Variants in CCNY observed in about 807,000 individuals in gnomAD.
CCNY encodes cyclin Y.
A neutral mutation model predicts 42.8 loss-of-function variants in CCNY; 19 were observed. That is an observed-to-expected ratio of 0.44 (90% confidence interval 0.31 to 0.65). The LOEUF (loss-of-function observed/expected upper bound fraction) is 0.65, where lower values mean the gene tolerates loss of function less well. Among genes scored for constraint, CCNY ranks in the 30% least tolerant of loss-of-function variants. CCNY has a pLI of 0.07. For synonymous variants in CCNY, 165 were observed against 162.7 expected (o/e 1.01, Z -0.11); for missense variants, 370 against 437.3 (o/e 0.85, Z 1.37).
intron 2 of CCNY, among the ~76,000 whole-genome samples, chr10:35,249,122 T>A (rs1420140439): frequency 6.6e-6 from 1 of 152,020 alleles, no homozygotes; most frequent in Non-Finnish European, 1.5e-5. Context: ...TTAGTAGAGA[T>A]GAGGGAGGCA....
chr10:35,260,564 T>A (rs769943249), intron 3 of CCNY, among the ~76,000 whole-genome samples: 15 of 152,266 alleles, frequency 9.9e-5, no homozygotes, highest in Non-Finnish European at 2.2e-4. Flanking sequence ...TGGCTGTGCA[T>A]GAAAATTGCC....
intron 2 of CCNY, among the ~76,000 whole-genome samples, chr10:35,492,991 C>A (rs763193599): frequency 2.0e-5 from 3 of 151,926 alleles, no homozygotes; most frequent in Non-Finnish European, 2.9e-5. Context: ...TCTTGAGGTG[C>A]ATGGGGGGGG....
chr10:35,410,516 A>G (rs576870022), intron 1 of CCNY, among the ~76,000 whole-genome samples: 1 of 152,346 alleles, frequency 6.6e-6, no homozygotes, highest in South Asian at 2.1e-4. Context: ...AAGTAAGGCA[A>G]ATAGGGTCCT....
At chr10:35,404,519 G>A (rs990719659) in intron 1 of CCNY, among the ~76,000 whole-genome samples, 1 of 152,178 alleles carries the variant, frequency 6.6e-6, no homozygotes, top group African/African-American at 2.4e-5. Flanking sequence ...ACCCACAACA[G>A]TTATGGAGGC....
chr10:35,454,334 A>G (rs571276972), intron 1 of CCNY, among the ~76,000 whole-genome samples: 14 of 152,328 alleles, frequency 9.2e-5, no homozygotes, highest in Admixed American at 5.9e-4. Flanking sequence ...AGAGAGGCAC[A>G]TGATCTGCAG....
At position 35,412,561 on chromosome 10, in the gene CCNY, G is replaced by A. The variant is rs186447017; in HGVS notation, c.155-70843G>A. Among the ~76,000 whole-genome samples the A allele has an allele frequency of 5.9e-5, 9 of 151,954 alleles. No individual in the cohort carries two copies. The East Asian group carries it at 1.7e-3, about 29-fold the overall frequency. ...GCCTAGCTGTTGAGGATTTAATGAA[G>A]AATTTGCAGCTGGGCGCTGTGGCTC... On this transcript the variant is annotated intron_variant, in intron 1 of 9. Coordinates refer to ENST00000374704, the MANE Select transcript of CCNY (RefSeq NM_145012.6).
chr10:35,367,259 TGACTGTATAGTATTCTATTTTATA>T (rs1170882703), intron 1 of CCNY, among the ~76,000 whole-genome samples: 1 of 152,238 alleles, frequency 6.6e-6, no homozygotes, highest in Non-Finnish European at 1.5e-5. Flanking sequence ...TACTACCTTA[TGACTGTATAGTATTCTATTTTATA>T]GACTGTATAG....
chr10:35,379,872 A>C (rs894561510), intron 1 of CCNY, among the ~76,000 whole-genome samples: 4 of 152,142 alleles, frequency 2.6e-5, no homozygotes, highest in Non-Finnish European at 5.9e-5. Context: ...CGTCTATTGG[A>C]GGCTTTGAAA....
intron 1 of CCNY, among the ~76,000 whole-genome samples, chr10:35,413,030 T>C (rs7069196): frequency 0.43 from 64,676 of 151,678 alleles, 14,778 homozygotes; most frequent in African/African-American, 0.59. Flanking sequence ...CAGAACAGTG[T>C]CTGGTGAATG....
In CCNY at chr10:35,569,522, C is replaced by G. The variant is rs750398833; in HGVS notation, c.*352C>G. ...CCATGGGGGCGGTAGCTGAAGTTGG[C>G]GAGCGCAGCGGTGGATGCAGAGCTG... On this transcript the variant is annotated 3_prime_UTR_variant, in exon 10 of 10. Coordinates refer to ENST00000374704, the MANE Select transcript of CCNY (RefSeq NM_145012.6). The G allele has an allele frequency of 6.7e-6, 2 of 300,328 alleles. No individual in the cohort carries two copies. Among genetic ancestry groups the G allele is most frequent in the Non-Finnish European group, 1.3e-5 (2 of 155,118 alleles). The allele number at this position is 300,328 out of a possible 1,614,324, so 18.6% of individuals were successfully genotyped here.
At chr10:35,354,572 T>A (rs1836502473) in intron 1 of CCNY, among the ~76,000 whole-genome samples, 1 of 152,180 alleles carries the variant, frequency 6.6e-6, no homozygotes, top group Admixed American at 6.5e-5. Context: ...GAGGGGACAG[T>A]ATTATATTAA....
At chr10:35,478,798 T>C (rs1239502278) in intron 1 of CCNY, among the ~76,000 whole-genome samples, 2 of 152,160 alleles carry the variant, frequency 1.3e-5, no homozygotes, top group Non-Finnish European at 2.9e-5. Context: ...TGGGATCTAA[T>C]TAAACTAAAG....
chr10:35,368,646 C>T (rs1836861483), intron 1 of CCNY, among the ~76,000 whole-genome samples: 3 of 137,392 alleles, frequency 2.2e-5, no homozygotes, highest in Non-Finnish European at 3.1e-5. Flanking sequence ...GGGGTGTCAG[C>T]GCCTGGGTGA....
intron 1 of CCNY, among the ~76,000 whole-genome samples, chr10:35,453,785 T>C (rs949754716): frequency 6.6e-6 from 1 of 152,216 alleles, no homozygotes; most frequent in Non-Finnish European, 1.5e-5. Context: ...CTAGTAACCA[T>C]ATTGATGTTT....
In CCNY at chr10:35,519,776, CTTTT is replaced by C. The variant is rs1177122335; in HGVS notation, c.365+3175_365+3178del. On this transcript the variant is annotated intron_variant, in intron 4 of 9. Transcript: ENST00000374704. ...AAGTATCTTCTTTTTCTTTTCTTTT[CTTTT>C]TTTTTTTTTTTTTTTTTTTTTGAGA... is the stretch of plus-strand genomic sequence containing the variant. Among the ~76,000 whole-genome samples the C allele has an allele frequency of 1.7e-3, 125 of 74,652 alleles. 1 individual carries two copies. Among genetic ancestry groups the C allele is most frequent in the African/African-American group, 5.5e-3 (96 of 17,376 alleles). The allele number at this position is 74,652 out of a possible 152,430, so 49.0% of individuals were successfully genotyped here.
chr10:35,251,941 C>G (rs2095712320), intron 3 of CCNY, among the ~76,000 whole-genome samples: 1 of 152,060 alleles, frequency 6.6e-6, no homozygotes, highest in Non-Finnish European at 1.5e-5. Context: ...ACCTACAGCC[C>G]TCTAGAGGAG....
At chr10:35,447,003 C>T (rs2135306155) in intron 1 of CCNY, among the ~76,000 whole-genome samples, 1 of 152,306 alleles carries the variant, frequency 6.6e-6, no homozygotes, top group South Asian at 2.1e-4. Flanking sequence ...TAGGTCTGGG[C>T]ACAGTGGCTC....
chr10:35,365,988 T>C (rs1836800361), intron 1 of CCNY, among the ~76,000 whole-genome samples: 1 of 152,246 alleles, frequency 6.6e-6, no homozygotes, highest in Non-Finnish European at 1.5e-5. Flanking sequence ...CCTTGTTCAT[T>C]TTCATTGACC....
intron 1 of CCNY, among the ~76,000 whole-genome samples, chr10:35,365,438 CTG>C (rs1308522794): frequency 6.6e-6 from 1 of 152,132 alleles, no homozygotes; most frequent in East Asian, 1.9e-4. Flanking sequence ...ACATTTATTT[CTG>C]TGTTTCCTAC....
Sources: gnomAD v4.1 joint callset for allele counts (sites outside exome capture counted in the v4.1 genomes callset) on GRCh38, gnomAD v4.1.1 for gene constraint, MANE v1.5 for transcripts, NCBI Gene and HGNC (gene_info 2026-07-23, HGNC 2026-07-21) for gene names.